ACER1: variants seen among roughly 807,000 people sequenced by gnomAD.
The protein encoded by ACER1 is CTB-180A7.3.
A neutral mutation model predicts 24.9 loss-of-function variants in ACER1; 28 were observed. The observed-to-expected ratio is 1.13, with a 90% CI of 0.83 to 1.54. The LOEUF (loss-of-function observed/expected upper bound fraction) is 1.54. Among genes scored for constraint, ACER1 ranks in the 40% most tolerant of loss-of-function variants. The pLI, the probability that ACER1 is intolerant of heterozygous loss-of-function variation, is 0.00. For missense variants in ACER1, 352 were observed against 349.3 expected, an observed-to-expected ratio of 1.01 and a Z score of -0.06; for synonymous variants, 132 against 131.4, an observed-to-expected ratio of 1.00 and a Z score of -0.03.
intron 1 of ACER1, among the ~76,000 whole-genome samples, chr19:6,324,820 G>A (rs576205651): frequency 1.0e-4 from 14 of 139,382 alleles, no homozygotes; most frequent in African/African-American, 3.0e-4. Flanking sequence ...AAGAAGGAGA[G>A]AAGGAAAGGA....
chr19:6,324,001 T>C (rs768153232), intron 1 of ACER1, among the ~76,000 whole-genome samples: 72 of 152,218 alleles, frequency 4.7e-4, no homozygotes, highest in Non-Finnish European at 8.7e-4. Context: ...CTGCAGACTA[T>C]CTCCCCTCCA....
At chr19:6,318,188 G>A (rs567001678) in intron 1 of ACER1, among the ~76,000 whole-genome samples, 76 of 151,876 alleles carry the variant, frequency 5.0e-4, no homozygotes, top group African/African-American at 1.4e-3. Context: ...AAAATTAGCC[G>A]GGCATGGATT....
chr19:6,347,109 A>AAATATATATAT, the ACER1 span, among the ~76,000 whole-genome samples: 199 of 113,752 alleles, frequency 1.7e-3, 3 homozygotes, highest in African/African-American at 9.2e-3. Flanking sequence ...AAAAAAAAAA[A>AAATATATATAT]ATATATATAT....
At chr19:6,357,387 T>C in the ACER1 span, among the ~76,000 whole-genome samples, 1 of 151,320 alleles carries the variant, frequency 6.6e-6, no homozygotes, top group Non-Finnish European at 1.5e-5. Flanking sequence ...GTGGCTGGAT[T>C]GAGCTTGATG....
chr19:6,309,643 G>A (rs766148762), intron 4 of ACER1, 54 bp downstream of exon 4: 4 of 1,609,360 alleles, frequency 2.5e-6, no homozygotes, highest in Non-Finnish European at 3.4e-6. Flanking sequence ...GGAGTCAGGG[G>A]TGCTAGGAGG....
chr19:6,351,510 C>T, the ACER1 span, among the ~76,000 whole-genome samples: 2 of 149,462 alleles, frequency 1.3e-5, no homozygotes, highest in Non-Finnish European at 3.0e-5. Flanking sequence ...GCAGGAGGAT[C>T]GTTTGAGATC....
intron 1 of ACER1, among the ~76,000 whole-genome samples, chr19:6,330,165 C>T (rs10411863): frequency 0.027 from 3,818 of 142,406 alleles, 419 homozygotes; most frequent in African/African-American, 0.097. Context: ...GCCACCACGC[C>T]CGGCTAATTT....
chr19:6,320,622 C>A lies in ACER1; in HGVS notation c.94-8123G>T, dbSNP rs1196627191. Among the ~76,000 whole-genome samples, 5 of 152,144 alleles carry A rather than the reference C, an allele frequency of 3.3e-5. No homozygotes were observed. In the South Asian group the frequency reaches 8.3e-4, roughly 25 times the overall value. On this transcript the variant is annotated intron_variant, in intron 1 of 5. Transcript: ENST00000301452. ...GCCGCTGTGCCATCCAAAATGCACA[C>A]AATTAATTCCTAATCACCAGTAATT...
the ACER1 span, among the ~76,000 whole-genome samples, chr19:6,356,761 G>A: frequency 5.3e-5 from 8 of 151,890 alleles, no homozygotes; most frequent in Admixed American, 1.3e-4. Context: ...AGCAGGTCCT[G>A]TTGGCGTGTG....
the ACER1 span, among the ~76,000 whole-genome samples, chr19:6,347,131 T>TATATATAA: frequency 0.016 from 2,180 of 134,070 alleles, 40 homozygotes; most frequent in South Asian, 0.051. Flanking sequence ...TATATATATA[T>TATATATAA]AAAATAATAA....
At chr19:6,349,458 A>G in the ACER1 span, among the ~76,000 whole-genome samples, 1 of 143,382 alleles carries the variant, frequency 7.0e-6, no homozygotes, top group African/African-American at 2.6e-5. Flanking sequence ...AGAAGGAAGG[A>G]AGGAAGGAAA....
chr19:6,333,001 GAT>G (rs1460954686), intron 1 of ACER1, among the ~76,000 whole-genome samples: 1 of 152,008 alleles, frequency 6.6e-6, no homozygotes, highest in Non-Finnish European at 1.5e-5. Flanking sequence ...CTGAAACCAG[GAT>G]AGTCCCAGGC....
intron 1 of ACER1, among the ~76,000 whole-genome samples, chr19:6,329,356 T>TATAGAATAGA (rs57029699): frequency 0.23 from 31,027 of 133,738 alleles, 3,954 homozygotes; most frequent in Admixed American, 0.24. Context: ...GGCTTTTTGA[T>TATAGAATAGA]ATAGAATAGA....
rs962098658 is a variant in ACER1 at position 6,306,630 on chromosome 19, G to A, written c.*84C>T. 1.3e-5 allele frequency: 19 copies of A among 1,479,032 alleles called. No individual in the cohort carries two copies. The highest frequency in any genetic ancestry group is 1.2e-4 in the East Asian group (5 of 43,332). 91.6% of individuals were successfully genotyped at this position (1,479,032 alleles called of 1,614,324 possible). On this transcript the variant is annotated 3_prime_UTR_variant, in exon 6 of 6. Coordinates refer to ENST00000301452, the MANE Select transcript of ACER1 (RefSeq NM_133492.3). ...CAGAGGAAGGAACCACGAGTGTCCCGCAGGTGCAAGTCCTGACCGGGGCTA... is the reference window on the plus strand; with the variant it reads ...CAGAGGAAGGAACCACGAGTGTCCCACAGGTGCAAGTCCTGACCGGGGCTA...
chr19:6,327,376 TA>T (rs2091666542), intron 1 of ACER1, among the ~76,000 whole-genome samples: 1 of 151,694 alleles, frequency 6.6e-6, no homozygotes, highest in Admixed American at 6.6e-5. Flanking sequence ...CCATCCTGGC[TA>T]ACACGGTGAA....
At chr19:6,318,076 C>T (rs1490772856) in intron 1 of ACER1, among the ~76,000 whole-genome samples, 2 of 151,918 alleles carry the variant, frequency 1.3e-5, no homozygotes, top group African/African-American at 4.8e-5. Flanking sequence ...AATCCCAGCA[C>T]TTTGTGAGGG....
At chr19:6,351,545 A>G in the ACER1 span, among the ~76,000 whole-genome samples, 1 of 149,320 alleles carries the variant, frequency 6.7e-6, no homozygotes, top group Admixed American at 6.7e-5. Flanking sequence ...TGCCTGGACA[A>G]CATAGCAAGA....
chr19:6,338,806 C>T, the ACER1 span, among the ~76,000 whole-genome samples: 1 of 152,012 alleles, frequency 6.6e-6, no homozygotes. Flanking sequence ...AATTCCCGAG[C>T]TCAAGCGATC....
chr19:6,309,233 T>C lies in ACER1; in HGVS notation c.488+464A>G, dbSNP rs185325507. ...AAATAAATAAATAAAATAAAGATAATGTAGGGTGGATGCAGTGGCTCACAC... is the reference window on the plus strand; with the variant it reads ...AAATAAATAAATAAAATAAAGATAACGTAGGGTGGATGCAGTGGCTCACAC... On this transcript the variant is annotated intron_variant, in intron 4 of 5. Transcript: ENST00000301452. 5.3e-5 allele frequency among the ~76,000 whole-genome samples: 8 copies of C among 150,508 alleles called. No homozygotes were observed. In the South Asian group the frequency reaches 1.1e-3, roughly 20 times the overall value.
Sources: gnomAD v4.1 joint callset for allele counts (sites outside exome capture counted in the v4.1 genomes callset) on GRCh38, gnomAD v4.1.1 for gene constraint, MANE v1.5 for transcripts, NCBI Gene and HGNC (gene_info 2026-07-23, HGNC 2026-07-21) for gene names.